PEX5L: variants seen among roughly 807,000 people sequenced by gnomAD.
The protein encoded by PEX5L is PEX5-related protein.
In PEX5L, 30 loss-of-function variants were observed where a neutral mutation model predicts 84.0. That is an observed-to-expected ratio of 0.36 (90% CI 0.27 to 0.48). The LOEUF is 0.48. Among genes scored for constraint, PEX5L ranks in the 20% least tolerant of loss-of-function variants. The pLI is 0.99. For synonymous variants in PEX5L, 270 were observed against 283.1 expected, an observed-to-expected ratio of 0.95 and a Z score of 0.46; for missense variants, 533 against 754.6, an observed-to-expected ratio of 0.71 and a Z score of 3.44.
At chr3:179,864,884 T>C (rs1486994427) in intron 7 of PEX5L, among the ~76,000 whole-genome samples, 1 of 152,204 alleles carries the variant, frequency 6.6e-6, no homozygotes, top group Non-Finnish European at 1.5e-5. Flanking sequence ...GACCCATGAA[T>C]GGCAGTAGAG....
rs556720298 is a variant in PEX5L, at chr3:179,973,660, C to T, written c.22-1995G>A. 2.1e-4 allele frequency: 209 copies of T among 985,356 alleles called. 1 individual carries two copies. The African/African-American group carries it at 3.5e-3, about 17-fold the overall frequency. 61.0% of individuals were successfully genotyped at this position (985,356 alleles called of 1,614,324 possible). ...CAATCACTGCTAACAGATAGAATGT[C>T]AGCACTCACAGAACATCATTCGAAA... is the stretch of plus-strand genomic sequence containing the variant. On this transcript the variant is annotated intron_variant, in intron 1 of 14. Transcript: ENST00000467460.
chr3:179,962,305 G>A (rs1278895758), intron 2 of PEX5L, among the ~76,000 whole-genome samples: 1 of 152,158 alleles, frequency 6.6e-6, no homozygotes, highest in Non-Finnish European at 1.5e-5. Context: ...TTACAGGAGT[G>A]GCTGAATGAA....
At chr3:179,986,165 A>AATATAT (rs761109429) in intron 1 of PEX5L, among the ~76,000 whole-genome samples, 6 of 122,152 alleles carry the variant, frequency 4.9e-5, no homozygotes, top group South Asian at 5.2e-4. Context: ...TGTAATTTAA[A>AATATAT]ATATATATAT....
chr3:179,794,981 A>T lies in PEX5L; in HGVS notation c.*6847T>A. ...AATTTATTTTAATATTTTTATTCTA[A>T]AAAGAATCACAAAATTCAATTTCAG... On this transcript the variant is annotated 3_prime_UTR_variant, in exon 15 of 15. Coordinates refer to ENST00000467460, the MANE Select transcript of PEX5L (RefSeq NM_016559.3). 2 of 152,220 alleles carry T rather than the reference A, an allele frequency of 1.3e-5. 1 individual carries two copies. Among genetic ancestry groups the T allele is most frequent in the Non-Finnish European group, 2.9e-5 (2 of 68,044 alleles). 9.4% of individuals were successfully genotyped at this position (152,220 alleles called of 1,614,324 possible).
intron 7 of PEX5L, among the ~76,000 whole-genome samples, chr3:179,866,808 C>T (rs1258442877): frequency 1.3e-5 from 2 of 151,618 alleles, no homozygotes; most frequent in African/African-American, 4.8e-5. Context: ...GCGGATTGCC[C>T]GAGCTCGGGA....
intron 2 of PEX5L, among the ~76,000 whole-genome samples, chr3:179,964,850 C>T (rs78287646): frequency 1.1e-4 from 16 of 152,330 alleles, no homozygotes; most frequent in African/African-American, 1.9e-4. Context: ...CCGCACGCTA[C>T]GTACTTTGCT....
chr3:179,921,901 G>C (rs1481214043), intron 2 of PEX5L: 1 of 152,190 alleles, frequency 6.6e-6, no homozygotes, highest in South Asian at 2.1e-4. Flanking sequence ...CTCAAGCAAT[G>C]TGTGTTTTCT....
intron 4 of PEX5L, among the ~76,000 whole-genome samples, chr3:179,884,690 T>C (rs1755200751): frequency 6.6e-6 from 1 of 152,248 alleles, no homozygotes; most frequent in Non-Finnish European, 1.5e-5. Context: ...CAGTCCTCTC[T>C]AGACTTTATC....
intron 14 of PEX5L, among the ~76,000 whole-genome samples, chr3:179,802,975 CTGAG>C (rs964479216): frequency 6.6e-6 from 1 of 152,120 alleles, no homozygotes; most frequent in Non-Finnish European, 1.5e-5. Context: ...GCTCTTATCA[CTGAG>C]TAAGATCAAT....
In PEX5L at chr3:180,023,811, G is replaced by C. The variant is rs375688369; in HGVS notation, c.21+12768C>G. Among the ~76,000 whole-genome samples, 97 of 146,310 alleles carry C rather than the reference G, an allele frequency of 6.6e-4. 1 individual carries two copies. The highest frequency in any genetic ancestry group is 2.5e-3 in the African/African-American group (91 of 36,136). The stretch of plus-strand genomic sequence containing the variant: ...AGAGAGAGAGAGGGAGAGACTAGCT[G>C]CTTGGTAGAGGAGACCCCCTTCAGA... On this transcript the variant is annotated intron_variant, in intron 1 of 14. Coordinates refer to ENST00000467460, the MANE Select transcript of PEX5L (RefSeq NM_016559.3).
chr3:179,890,835 A>G (rs1239066787), intron 3 of PEX5L, among the ~76,000 whole-genome samples: 1 of 151,912 alleles, frequency 6.6e-6, no homozygotes, highest in East Asian at 1.9e-4. Flanking sequence ...CATAAAAACT[A>G]TAGTCTAAAT....
In PEX5L at chr3:179,795,367, G is replaced by A. The variant is rs911412709; in HGVS notation, c.*6461C>T. 1.1e-4 allele frequency: 17 copies of A among 152,154 alleles called. No homozygotes were observed. Among genetic ancestry groups the A allele is most frequent in the South Asian group, 2.1e-4 (1 of 4,828 alleles). 9.4% of individuals were successfully genotyped at this position (152,154 alleles called of 1,614,324 possible). ...AAAAATACTACCTTAATCTTGTTAC[G>A]CAAATTAGAAGCCAACTGAGTAAAT... On this transcript the variant is annotated 3_prime_UTR_variant, in exon 15 of 15. Coordinates refer to ENST00000467460, the MANE Select transcript of PEX5L (RefSeq NM_016559.3).
intron 2 of PEX5L, among the ~76,000 whole-genome samples, chr3:179,953,329 G>A (rs1779613687): frequency 1.3e-5 from 2 of 152,146 alleles, no homozygotes; most frequent in African/African-American, 2.4e-5. Flanking sequence ...TACAGAATGG[G>A]AGAACATTTT....
chr3:179,914,728 G>T (rs541873620), intron 2 of PEX5L, among the ~76,000 whole-genome samples: 1 of 152,226 alleles, frequency 6.6e-6, no homozygotes, highest in South Asian at 2.1e-4. Context: ...AAGGGATGGT[G>T]ATGGCTCCTG....
At chr3:179,968,759 C>T (rs11715337) in intron 2 of PEX5L, among the ~76,000 whole-genome samples, 40,201 of 148,756 alleles carry the variant, frequency 0.27, 6,006 homozygotes, top group East Asian at 0.53. Flanking sequence ...CATATGGCAC[C>T]TATTACCATA....
chr3:179,809,383 T>C (rs1203462721), intron 12 of PEX5L, 88 bp downstream of exon 12: 1 of 937,490 alleles, frequency 1.1e-6, no homozygotes, highest in African/African-American at 1.6e-5. Flanking sequence ...GGGTGGTGTC[T>C]AGGGTGTGAG....
At chr3:179,805,001 C>G (rs917454540) in intron 14 of PEX5L, among the ~76,000 whole-genome samples, 6 of 151,822 alleles carry the variant, frequency 4.0e-5, no homozygotes, top group African/African-American at 1.5e-4. Flanking sequence ...CGCCTGTAAT[C>G]CCCGCTATTC....
chr3:180,023,771 CAGAGAGAGAGAG>C (rs139045124), intron 1 of PEX5L, among the ~76,000 whole-genome samples: 2 of 102,792 alleles, frequency 1.9e-5, no homozygotes, highest in East Asian at 2.0e-4. Context: ...CGCACACACA[CAGAGAGAGAGAG>C]AGAGAGAGAG....
At chr3:179,844,836 A>C (rs943830570) in intron 8 of PEX5L, among the ~76,000 whole-genome samples, 1 of 152,180 alleles carries the variant, frequency 6.6e-6, no homozygotes, top group East Asian at 1.9e-4. Flanking sequence ...TCTCAAAAAC[A>C]AAACAAAACA....
Sources: allele counts gnomAD v4.1 joint callset (sites outside exome capture counted in the v4.1 genomes callset), GRCh38; gene constraint gnomAD v4.1.1; transcripts MANE v1.5; gene names NCBI Gene and HGNC (gene_info 2026-07-23, HGNC 2026-07-21).